Variants in ARFIP1 observed in about 807,000 individuals in gnomAD.
The protein encoded by ARFIP1 is ARF interacting protein 1.
A neutral mutation model predicts 42.5 loss-of-function variants in ARFIP1; 24 were observed. That is an observed-to-expected ratio of 0.57 (90% confidence interval 0.41 to 0.80). The LOEUF (loss-of-function observed/expected upper bound fraction) is 0.80. ARFIP1 is among the 30% of genes least tolerant of loss of function. The probability of loss-of-function intolerance (pLI) is 0.00; values close to 1 mark genes in which losing one functional copy is unlikely to be tolerated. For missense variants in ARFIP1, 354 were observed against 434.0 expected, an observed-to-expected ratio of 0.82 and a Z score of 1.64; for synonymous variants, 141 against 153.7, an observed-to-expected ratio of 0.92 and a Z score of 0.61.
chr4:152,903,434 A>G (rs1738014067), intron 8 of ARFIP1, among the ~76,000 whole-genome samples: 2 of 152,114 alleles, frequency 1.3e-5, no homozygotes, highest in Non-Finnish European at 2.9e-5. Context: ...AGAAAAAAAA[A>G]TAGCTTCTTA....
At chr4:152,870,223 CTA>C (rs1323081460) in intron 3 of ARFIP1, among the ~76,000 whole-genome samples, 11 of 152,192 alleles carry the variant, frequency 7.2e-5, no homozygotes, top group Non-Finnish European at 1.3e-4. Flanking sequence ...ATGAGACACA[CTA>C]TGTGACATTT....
At position 152,790,676 on chromosome 4, in the gene ARFIP1, A is replaced by G. The variant is rs116369647; in HGVS notation, c.-10+10450A>G. On this transcript the variant is annotated intron_variant, in intron 1 of 8. Coordinates refer to ENST00000353617, the MANE Select transcript of ARFIP1 (RefSeq NM_001025595.3). ...TTATTATGCATATAATTCAGAAGTA[A>G]CTATTTTGTCAGGGCTTTCTATTTT... 4.0e-3 allele frequency among the ~76,000 whole-genome samples: 612 copies of G among 151,230 alleles called. 1 individual carries two copies. The highest frequency in any genetic ancestry group is 5.6e-3 in the Non-Finnish European group (378 of 67,862).
At chr4:152,799,348 G>A (rs1731661026) in intron 1 of ARFIP1, among the ~76,000 whole-genome samples, 1 of 152,122 alleles carries the variant, frequency 6.6e-6, no homozygotes, top group African/African-American at 2.4e-5. Flanking sequence ...TAGAGGAATT[G>A]GTAAGGCTGG....
At chr4:152,842,972 T>G (rs1191001542) in intron 2 of ARFIP1, among the ~76,000 whole-genome samples, 1 of 152,136 alleles carries the variant, frequency 6.6e-6, no homozygotes, top group East Asian at 1.9e-4. Flanking sequence ...TGTGATTTTT[T>G]GGGGGGATGT....
intron 3 of ARFIP1, among the ~76,000 whole-genome samples, chr4:152,866,426 C>G (rs1054035749): frequency 1.3e-5 from 2 of 152,150 alleles, no homozygotes; most frequent in Non-Finnish European, 2.9e-5. Flanking sequence ...AGGGGCTCCT[C>G]ACTTCCCAGT....
intron 3 of ARFIP1, among the ~76,000 whole-genome samples, chr4:152,869,721 T>C (rs1384578209): frequency 6.6e-6 from 1 of 152,158 alleles, no homozygotes; most frequent in African/African-American, 2.4e-5. Flanking sequence ...GAGCCGCCGC[T>C]CTCAGCCAGT....
chr4:152,785,989 C>T (rs765903177), intron 1 of ARFIP1, among the ~76,000 whole-genome samples: 3 of 152,184 alleles, frequency 2.0e-5, no homozygotes, highest in Non-Finnish European at 2.9e-5. Context: ...TGATGTGATA[C>T]ATAATTCCTA....
At chr4:152,887,452 A>G (rs1736357321) in intron 7 of ARFIP1, among the ~76,000 whole-genome samples, 1 of 152,078 alleles carries the variant, frequency 6.6e-6, no homozygotes, top group African/African-American at 2.4e-5. Flanking sequence ...AAATGTGGCT[A>G]GTCTGAATTG....
chr4:152,781,234 CTTTTTT>C (rs535397594), intron 1 of ARFIP1, among the ~76,000 whole-genome samples: 59 of 118,922 alleles, frequency 5.0e-4, no homozygotes, highest in Admixed American at 2.9e-3. Context: ...TTTCTTTTTT[CTTTTTT>C]TTTTTTTTTT....
chr4:152,875,850 A>G (rs1735286297), intron 5 of ARFIP1, among the ~76,000 whole-genome samples: 1 of 151,946 alleles, frequency 6.6e-6, no homozygotes, highest in Admixed American at 6.6e-5. Flanking sequence ...AAGGGGAGGT[A>G]ATTGAATCAT....
chr4:152,866,147 G>A (rs1371142811), intron 3 of ARFIP1, among the ~76,000 whole-genome samples: 1 of 152,100 alleles, frequency 6.6e-6, no homozygotes. Flanking sequence ...TTAACCCTGA[G>A]TGGACACAGC....
At chr4:152,879,118 C>T (rs1735610525) in intron 5 of ARFIP1, among the ~76,000 whole-genome samples, 1 of 151,618 alleles carries the variant, frequency 6.6e-6, no homozygotes, top group African/African-American at 2.4e-5. Flanking sequence ...TGGTTTTGAT[C>T]TCTCACCCGT....
intron 2 of ARFIP1, among the ~76,000 whole-genome samples, chr4:152,830,027 A>G (rs566786644): frequency 1.3e-5 from 2 of 152,278 alleles, no homozygotes; most frequent in East Asian, 1.9e-4. Context: ...TAATAAAAAG[A>G]TTATCCTTTT....
chr4:152,826,793 C>T (rs374896293), intron 1 of ARFIP1, among the ~76,000 whole-genome samples: 4 of 151,914 alleles, frequency 2.6e-5, no homozygotes, highest in African/African-American at 4.8e-5. Flanking sequence ...GTATCCATCA[C>T]GGGATGAATG....
chr4:152,843,333 A>G (rs1732252888), intron 2 of ARFIP1, among the ~76,000 whole-genome samples: 1 of 152,140 alleles, frequency 6.6e-6, no homozygotes, highest in Non-Finnish European at 1.5e-5. Context: ...CAGAGGGTGC[A>G]ATGGACTCCA....
At chr4:152,812,098 A>G (rs1024039934) in intron 1 of ARFIP1, among the ~76,000 whole-genome samples, 17 of 152,218 alleles carry the variant, frequency 1.1e-4, no homozygotes, top group Non-Finnish European at 2.1e-4. Flanking sequence ...ACCCGGAACA[A>G]TACATAGTTC....
At chr4:152,810,898 G>T (rs1184369121) in intron 1 of ARFIP1, among the ~76,000 whole-genome samples, 1 of 152,052 alleles carries the variant, frequency 6.6e-6, no homozygotes, top group African/African-American at 2.4e-5. Context: ...CTGTATGATA[G>T]TGTGCTGTGC....
intron 2 of ARFIP1, among the ~76,000 whole-genome samples, chr4:152,853,812 T>C (rs1268247159): frequency 6.6e-6 from 1 of 152,122 alleles, no homozygotes; most frequent in African/African-American, 2.4e-5. Context: ...CTTTATGTTG[T>C]CTCATGTCAT....
chr4:152,863,842 G>A lies in ARFIP1; in HGVS notation c.202+128G>A, dbSNP rs1734095950. 2.9e-5 allele frequency: 16 copies of A among 557,148 alleles called. No homozygotes were observed. The South Asian group carries it at 3.7e-4, about 13-fold the overall frequency. The allele number at this position is 557,148 out of a possible 1,614,324, so 34.5% of individuals were successfully genotyped here. On this transcript the variant is annotated intron_variant, in intron 3 of 8. Transcript: ENST00000353617. The stretch of plus-strand genomic sequence containing the variant: ...CTGTGATAAAACATTGATTATAAAT[G>A]TATTCCTTTTTCTCTTCAATTTAAG...
Sources: gnomAD v4.1 joint callset for allele counts (sites outside exome capture counted in the v4.1 genomes callset) on GRCh38, gnomAD v4.1.1 for gene constraint, MANE v1.5 for transcripts, NCBI Gene and HGNC (gene_info 2026-07-23, HGNC 2026-07-21) for gene names.